Variants in PAPOLG observed in about 807,000 individuals in gnomAD.
The protein encoded by PAPOLG is PAP-gamma.
In PAPOLG, 40 loss-of-function variants were observed where a neutral mutation model predicts 99.0. The observed-to-expected ratio is 0.40, with a 90% CI of 0.31 to 0.53. The LOEUF is 0.53. PAPOLG is among the 20% of genes least tolerant of loss of function. The probability of loss-of-function intolerance (pLI) is 0.41; values close to 1 mark genes in which losing one functional copy is unlikely to be tolerated. For missense variants in PAPOLG, 675 were observed against 884.1 expected (o/e 0.76, Z 3.00); for synonymous variants, 310 against 299.3 (o/e 1.04, Z -0.37).
rs892895359 is a variant in PAPOLG, at chr2:60,775,195, A to G, written c.694+72A>G. 1.9e-5 allele frequency: 29 copies of G among 1,492,634 alleles called. No homozygotes were observed. In the African/African-American group the frequency reaches 3.4e-4, roughly 17 times the overall value. 92.5% of individuals were successfully genotyped at this position (1,492,634 alleles called of 1,614,324 possible). On this transcript the variant is annotated intron_variant, in intron 8 of 21. Transcript: ENST00000238714. ...TCTCTTGCCAGTGAAAGAAGCATAT[A>G]TAGAAACTCTGAACCTAATGATATT...
rs913442729 is a variant in PAPOLG at position 60,801,468 on chromosome 2, G to GA, written c.*4309dup. Reference sequence around the variant, plus strand: ...TTTTCTTTTCTTTTTTTTTAAGATGGAGTCTCGCTCCGTCACCCAGGCTGG... The same window carrying GA: ...TTTTCTTTTCTTTTTTTTTAAGATGGAAGTCTCGCTCCGTCACCCAGGCTGG... On this transcript the variant is annotated 3_prime_UTR_variant, in exon 22 of 22. Coordinates refer to ENST00000238714, the MANE Select transcript of PAPOLG (RefSeq NM_022894.4). 6.6e-6 allele frequency: 1 copy of GA among 151,406 alleles called. No individual in the cohort carries two copies. Among genetic ancestry groups the GA allele is most frequent in the African/African-American group, 2.4e-5 (1 of 41,202 alleles). The allele number at this position is 151,406 out of a possible 1,614,324, so 9.4% of individuals were successfully genotyped here. A position where few individuals can be genotyped will look rare whatever the true frequency, so the allele number is the denominator to read the frequency against.
intron 21 of PAPOLG, 152 bp from the exon 22 acceptor site, chr2:60,796,910 A>T: frequency 2.1e-6 from 2 of 937,532 alleles, no homozygotes; most frequent in Non-Finnish European, 3.1e-6. Context: ...CCCTATGAAC[A>T]CGGAAGGAAA....
intron 7 of PAPOLG, among the ~76,000 whole-genome samples, chr2:60,773,791 T>C (rs1670929233): frequency 6.6e-6 from 1 of 152,198 alleles, no homozygotes; most frequent in Non-Finnish European, 1.5e-5. Flanking sequence ...AAAAGTTGTC[T>C]GAAATTCAGA....
chr2:60,775,196 T>C, intron 8 of PAPOLG, 73 bp downstream of exon 8: 1 of 1,488,460 alleles, frequency 6.7e-7, no homozygotes, highest in South Asian at 1.3e-5. Context: ...GAAGCATATA[T>C]AGAAACTCTG....
At chr2:60,773,825 A>T (rs1377182755) in intron 7 of PAPOLG, among the ~76,000 whole-genome samples, 2 of 152,046 alleles carry the variant, frequency 1.3e-5, no homozygotes, top group African/African-American at 2.4e-5. Flanking sequence ...CTTAAATTTT[A>T]TTATTGGCAA....
chr2:60,781,029 C>CATTA (rs968385345), intron 10 of PAPOLG, among the ~76,000 whole-genome samples: 9 of 152,096 alleles, frequency 5.9e-5, no homozygotes, highest in African/African-American at 2.2e-4. Context: ...TGGACAGTGT[C>CATTA]ATAATCCAGT....
chr2:60,781,983 A>G lies in PAPOLG; in HGVS notation c.1005A>G (p.Val335=), dbSNP rs760374165. Residue 335 remains valine (V), a synonymous_variant, in exon 11 of 22, where the codon GTA becomes GTG. Coordinates refer to ENST00000238714, the MANE Select transcript of PAPOLG (RefSeq NM_022894.4). The part of the protein sequence containing the change: ...TYNVSTSTRT[V]MVEEFKQGLA... ...ATGTGTCCACATCAACTCGAACAGT[A>G]ATGGTAGAAGAATTTAAACAAGGTA... 19 of 1,613,834 alleles carry G rather than the reference A, an allele frequency of 1.2e-5. No homozygotes were observed. In the Middle Eastern group the frequency reaches 6.6e-4, roughly 56 times the overall value.
intron 9 of PAPOLG, 67 bp from the exon 10 acceptor site, chr2:60,780,640 A>C (rs1206537208): frequency 5.2e-5 from 77 of 1,475,230 alleles, no homozygotes; most frequent in Non-Finnish European, 7.0e-5. Context: ...CAATCTAATA[A>C]TTATAAAGTT....
chr2:60,787,350 C>T, intron 14 of PAPOLG, 161 bp from the exon 15 acceptor site: 1 of 467,684 alleles, frequency 2.1e-6, no homozygotes, highest in African/African-American at 2.1e-5. Flanking sequence ...CAGGGGATAA[C>T]TTACCAGTTC....
chr2:60,777,009 C>G (rs1032521865), intron 8 of PAPOLG, among the ~76,000 whole-genome samples: 1 of 152,182 alleles, frequency 6.6e-6, no homozygotes, highest in Non-Finnish European at 1.5e-5. Context: ...ACCTTATGAA[C>G]CAATCTTCAC....
At position 60,799,194 on chromosome 2, in the gene PAPOLG, A is replaced by T. The variant is rs1448605113; in HGVS notation, c.*2034A>T. On this transcript the variant is annotated 3_prime_UTR_variant, in exon 22 of 22. Transcript: ENST00000238714. ...ATCTTTTGCTTTTAAATCAGCCTTC[A>T]AAGTATCTTTAGGAATTCCTTCTGT... 2 of 152,376 alleles carry T rather than the reference A, an allele frequency of 1.3e-5. No individual in the cohort carries two copies. The highest frequency in any genetic ancestry group is 2.9e-5 in the Non-Finnish European group (2 of 68,038). The allele number at this position is 152,376 out of a possible 1,614,324, so 9.4% of individuals were successfully genotyped here.
chr2:60,760,043 TA>T, intron 1 of PAPOLG, 90 bp from the exon 2 acceptor site: 1 of 1,321,842 alleles, frequency 7.6e-7, no homozygotes, highest in Non-Finnish European at 1.0e-6. Flanking sequence ...TTAAGGTAGC[TA>T]AATTAACATG....
rs575038501 is a variant in PAPOLG at position 60,791,736 on chromosome 2, A to ATT, written c.1397-23_1397-22dup. 6,904 of 1,574,400 alleles carry ATT rather than the reference A, an allele frequency of 4.4e-3. 35 individuals carry two copies. Among genetic ancestry groups the ATT allele is most frequent in the Middle Eastern group, 0.023 (116 of 5,094 alleles). On this transcript the variant is annotated intron_variant, in intron 15 of 21. Transcript: ENST00000238714. The stretch of plus-strand genomic sequence containing the variant: ...CCCTTGGTTCAGAAAGAAGTTTCCC[A>ATT]TTTAACATATTAACATTGTTACAGT...
chr2:60,785,022 TAAGC>T (rs1671314602), intron 13 of PAPOLG, among the ~76,000 whole-genome samples: 2 of 152,240 alleles, frequency 1.3e-5, no homozygotes, highest in Admixed American at 6.5e-5. Context: ...AAGTCATTAA[TAAGC>T]AAGCTGCCAT....
intron 13 of PAPOLG, among the ~76,000 whole-genome samples, chr2:60,785,472 G>A (rs952275860): frequency 1.3e-5 from 2 of 151,778 alleles, no homozygotes; most frequent in African/African-American, 4.8e-5. Flanking sequence ...AAGCATGATT[G>A]TTTCATATAT....
intron 15 of PAPOLG, 96 bp from the exon 16 acceptor site, chr2:60,791,665 T>A (rs1014953651): frequency 6.9e-7 from 1 of 1,450,836 alleles, no homozygotes; most frequent in Non-Finnish European, 9.2e-7. Flanking sequence ...GTGGTGATAG[T>A]GGGGAGATAG....
At chr2:60,795,323 C>G (rs1290582544) in intron 21 of PAPOLG, 1 of 521,456 alleles carries the variant, frequency 1.9e-6, no homozygotes, top group East Asian at 5.0e-5. Context: ...TAATTTCTTA[C>G]CAAGCACCTG....
intron 5 of PAPOLG, among the ~76,000 whole-genome samples, chr2:60,769,372 G>C (rs1179825271): frequency 6.6e-6 from 1 of 152,098 alleles, no homozygotes; most frequent in African/African-American, 2.4e-5. Flanking sequence ...TTAGATGCTG[G>C]CATTAGTCTT....
chr2:60,768,854 A>G lies in PAPOLG; in HGVS notation c.402A>G (p.Glu134=). ...CTGATTTTTTTCAGTCTTTTTTTGA[A>G]AAATTGAAACATCAAGATGGCATTA... ...ERSDFFQSFF[E]KLKHQDGIRN... The change falls in exon 5 of 22, where the codon GAA becomes GAG. Residue 134 remains glutamate (E), a synonymous_variant. Transcript: ENST00000238714. The G allele has an allele frequency of 1.2e-6, 2 of 1,602,366 alleles. No individual in the cohort carries two copies. Among genetic ancestry groups the G allele is most frequent in the South Asian group, 1.1e-5 (1 of 88,854 alleles).
Sources: gnomAD v4.1 joint callset for allele counts (sites outside exome capture counted in the v4.1 genomes callset) on GRCh38, gnomAD v4.1.1 for gene constraint, MANE v1.5 for transcripts, NCBI Gene and HGNC (gene_info 2026-07-23, HGNC 2026-07-21) for gene names.